The following PSPC1 variants were observed in gnomAD, a reference collection of about 807,000 sequenced individuals.
PSPC1 encodes the protein paraspeckle protein 1.
A neutral mutation model predicts 51.6 loss-of-function variants in PSPC1; 14 were observed. The ratio of observed to expected loss-of-function variants is 0.27; its 90% CI spans 0.18 to 0.42. The LOEUF is 0.42. Ranked by LOEUF, PSPC1 falls within the 10% of genes least tolerant of loss-of-function variation. PSPC1 has a pLI of 1.00. For missense variants in PSPC1, 406 were observed against 701.1 expected (o/e 0.58, Z 4.75); for synonymous variants, 193 against 231.9 (o/e 0.83, Z 1.53).
chr13:19,723,864 C>T (rs979728909), intron 6 of PSPC1, among the ~76,000 whole-genome samples: 1 of 152,158 alleles, frequency 6.6e-6, no homozygotes, highest in Admixed American at 6.5e-5. Context: ...CTAGTCACAA[C>T]TAGAACATTA....
chr13:19,700,773 TA>T (rs34726561), downstream of PSPC1, among the ~76,000 whole-genome samples: 1,878 of 151,922 alleles, frequency 0.012, 37 homozygotes, highest in African/African-American at 0.04. Flanking sequence ...TTACTTTTTA[TA>T]AAAAAAAGAT....
rs970492062 is a variant in PSPC1, at chr13:19,772,223, C to A, written c.674+19G>T. 3 of 1,604,554 alleles carry A rather than the reference C, an allele frequency of 1.9e-6. No homozygotes were observed. Among genetic ancestry groups the A allele is most frequent in the Admixed American group, 1.7e-5 (1 of 58,630 alleles). On this transcript the variant is annotated intron_variant, in intron 2 of 8. Transcript: ENST00000338910. ...CATATGTAACTGGATAGAAGAAGGA[C>A]AAGATATTTAAAACTTACGTTGTTA...
At chr13:19,713,266 A>G (rs1275099175) in intron 6 of PSPC1, among the ~76,000 whole-genome samples, 1 of 152,202 alleles carries the variant, frequency 6.6e-6, no homozygotes, top group Non-Finnish European at 1.5e-5. Context: ...TTTGTAACCA[A>G]CATCTCAAAA....
At chr13:19,693,596 T>C (rs1169787067) in intron 6 of PSPC1, among the ~76,000 whole-genome samples, 2 of 152,208 alleles carry the variant, frequency 1.3e-5, no homozygotes, top group African/African-American at 2.4e-5. Context: ...AGAAATCTTG[T>C]ATGTACGACC....
chr13:19,778,990 C>T (rs1413773883), intron 1 of PSPC1, among the ~76,000 whole-genome samples: 1 of 141,422 alleles, frequency 7.1e-6, no homozygotes, highest in Non-Finnish European at 1.6e-5. Flanking sequence ...GGCCGCCCAT[C>T]GTCTGAGATG....
downstream of PSPC1, among the ~76,000 whole-genome samples, chr13:19,671,581 C>CCGGT (rs1876130041): frequency 6.6e-6 from 1 of 152,140 alleles, no homozygotes; most frequent in Non-Finnish European, 1.5e-5. Flanking sequence ...TGTCTTTAGG[C>CCGGT]CGGTCCCTAA....
chr13:19,731,692 G>A (rs1195746246), intron 5 of PSPC1, among the ~76,000 whole-genome samples: 1 of 152,184 alleles, frequency 6.6e-6, no homozygotes, highest in East Asian at 1.9e-4. Context: ...GGGATTACAG[G>A]CGTGAGCCCC....
At chr13:19,718,978 A>G (rs1882448623) in intron 6 of PSPC1, among the ~76,000 whole-genome samples, 2 of 152,184 alleles carry the variant, frequency 1.3e-5, no homozygotes, top group Non-Finnish European at 2.9e-5. Context: ...TGGAAGGGAT[A>G]GAGAAGCAGA....
intron 3 of PSPC1, among the ~76,000 whole-genome samples, chr13:19,754,116 TTC>T (rs1176115095): frequency 6.6e-6 from 1 of 151,948 alleles, no homozygotes; most frequent in African/African-American, 2.4e-5. Flanking sequence ...AACAGTTTCA[TTC>T]TTGTAGCCCA....
intron 1 of PSPC1, among the ~76,000 whole-genome samples, chr13:19,777,956 T>C (rs1889346628): frequency 6.9e-6 from 1 of 143,916 alleles, no homozygotes; most frequent in Non-Finnish European, 1.5e-5. Flanking sequence ...AAAAAAACAG[T>C]CCCTTGGCTG....
At chr13:19,760,827 A>T (rs1010886882) in intron 2 of PSPC1, among the ~76,000 whole-genome samples, 2 of 151,642 alleles carry the variant, frequency 1.3e-5, no homozygotes, top group Non-Finnish European at 2.9e-5. Flanking sequence ...TCTCTACTAA[A>T]AATACAAAAA....
intron 6 of PSPC1, among the ~76,000 whole-genome samples, chr13:19,728,458 ACACACACACACAC>A (rs1883636084): frequency 3.0e-5 from 1 of 33,656 alleles, no homozygotes; most frequent in African/African-American, 4.1e-5. Flanking sequence ...ACACACACAC[ACACACACACACAC>A]ACACACACAC....
At chr13:19,686,948 G>A (rs892774592) in intron 6 of PSPC1, among the ~76,000 whole-genome samples, 1 of 152,120 alleles carries the variant, frequency 6.6e-6, no homozygotes, top group African/African-American at 2.4e-5. Context: ...TGTAATCCCT[G>A]CACTTTGGGA....
rs1890055000 is a variant in PSPC1 at position 19,782,241 on chromosome 13, C to T, written c.372+145G>A. On this transcript the variant is annotated intron_variant, in intron 1 of 8. Transcript: ENST00000338910. This position sits in a 1 kb window ranked among gnomAD's most constrained non-coding sequence, Gnocchi z 4.5. Reference sequence around the variant, plus strand: ...GCCGAGCTGGGGAAGCGGCCAACCCCGCACAGAGGAATCGATGAGGCCGAG... The same window carrying T: ...GCCGAGCTGGGGAAGCGGCCAACCCTGCACAGAGGAATCGATGAGGCCGAG... The T allele has an allele frequency of 2.3e-6, 3 of 1,311,124 alleles. No individual in the cohort carries two copies. The highest frequency in any genetic ancestry group is 3.1e-5 in the African/African-American group (2 of 65,314). 81.2% of individuals were successfully genotyped at this position (1,311,124 alleles called of 1,614,324 possible).
At chr13:19,694,458 T>C (rs1363746798) in intron 6 of PSPC1, among the ~76,000 whole-genome samples, 1 of 152,150 alleles carries the variant, frequency 6.6e-6, no homozygotes, top group Non-Finnish European at 1.5e-5. Flanking sequence ...CCCAATGTAG[T>C]CAAAATATTA....
At chr13:19,721,331 T>C (rs1882742176) in intron 6 of PSPC1, among the ~76,000 whole-genome samples, 1 of 152,178 alleles carries the variant, frequency 6.6e-6, no homozygotes, top group African/African-American at 2.4e-5. Flanking sequence ...ACAAGATATG[T>C]TTACATTAGT....
intron 4 of PSPC1, 134 bp from the exon 5 acceptor site, chr13:19,741,783 T>G: frequency 2.0e-6 from 1 of 509,926 alleles, no homozygotes; most frequent in Non-Finnish European, 3.4e-6. Context: ...AGCTGGGTAA[T>G]TAAATAAATA....
chr13:19,694,178 TACACACACACAC>T (rs373687009), intron 6 of PSPC1, among the ~76,000 whole-genome samples: 1 of 118,704 alleles, frequency 8.4e-6, no homozygotes, highest in East Asian at 2.6e-4. Flanking sequence ...CATACACACA[TACACACACACAC>T]ACACTAAAAC....
At chr13:19,696,511 AC>A (rs1250385825) in intron 6 of PSPC1, among the ~76,000 whole-genome samples, 7 of 148,988 alleles carry the variant, frequency 4.7e-5, no homozygotes. Context: ...ACACACACAC[AC>A]ACATACGCAC....
Sources: allele counts gnomAD v4.1 joint callset (sites outside exome capture counted in the v4.1 genomes callset), GRCh38; gene constraint gnomAD v4.1.1; non-coding constraint Gnocchi (gnomAD v3.1); transcripts MANE v1.5; gene names NCBI Gene and HGNC (gene_info 2026-07-23, HGNC 2026-07-21).